KIF22: variants seen among roughly 807,000 people sequenced by gnomAD.
KIF22 encodes the protein kinesin-like protein KIF22.
In KIF22, 62 loss-of-function variants were observed where a neutral mutation model predicts 73.0. The ratio of observed to expected loss-of-function variants is 0.85; its 90% CI spans 0.69 to 1.05. KIF22 has a LOEUF of 1.05. Ranked by LOEUF, KIF22 falls within the 50% of genes least tolerant of loss-of-function variation. KIF22 has a pLI of 0.00. For missense variants in KIF22, 854 were observed against 870.1 expected, an observed-to-expected ratio of 0.98 and a Z score of 0.23; for synonymous variants, 411 against 340.1, an observed-to-expected ratio of 1.21 and a Z score of -2.29.
At position 29,802,766 on chromosome 16, in the gene KIF22, C is replaced by G; in HGVS notation, c.1281-3C>G. ...GTGGGGAGCAACTTCTTTTTCTGCTCAGCCCCCTACAGAAGCTAAGCAGCA... is the reference window on the plus strand; with the variant it reads ...GTGGGGAGCAACTTCTTTTTCTGCTGAGCCCCCTACAGAAGCTAAGCAGCA... On this transcript the variant is annotated splice_region_variant and splice_polypyrimidine_tract_variant and intron_variant, in intron 8 of 13. Coordinates refer to ENST00000160827, the MANE Select transcript of KIF22 (RefSeq NM_007317.3). 1 of 1,554,626 alleles carries G rather than the reference C, an allele frequency of 6.4e-7. No homozygotes were observed. The highest frequency in any genetic ancestry group is 2.4e-5 in the East Asian group (1 of 42,460).
rs971676385 is a variant in KIF22 at position 29,797,382 on chromosome 16, G to A, written c.266+294G>A. 5.9e-5 allele frequency among the ~76,000 whole-genome samples: 9 copies of A among 152,122 alleles called. No homozygotes were observed. The highest frequency in any genetic ancestry group is 8.8e-5 in the Non-Finnish European group (6 of 68,018). ...AGAGGCTGGGGGACATATCAGGAGG[G>A]TTGGCGGAACACAGACCTGCCAGCC... On this transcript the variant is annotated intron_variant, in intron 2 of 13. Transcript: ENST00000160827. This position sits in a 1 kb window ranked among gnomAD's most constrained non-coding sequence, Gnocchi z 4.1.
chr16:29,796,778 G>A (rs548624952), intron 1 of KIF22, 115 bp from the exon 2 acceptor site: 2 of 935,210 alleles, frequency 2.1e-6, no homozygotes, highest in South Asian at 1.5e-5. Flanking sequence ...CATGACCAGG[G>A]CAGAATGAGC....
At chr16:29,802,690 G>A in intron 8 of KIF22, 79 bp from the exon 9 acceptor site, 1 of 1,323,922 alleles carries the variant, frequency 7.6e-7, no homozygotes, top group Non-Finnish European at 1.0e-6. Flanking sequence ...CCAAGTTAAG[G>A]TGTGGTGAGG....
chr16:29,805,126 G>A lies in KIF22; in HGVS notation c.1902G>A (p.Leu634=), dbSNP rs973646132. 1.9e-6 allele frequency: 3 copies of A among 1,613,596 alleles called. No individual in the cohort carries two copies. The highest frequency in any genetic ancestry group is 2.7e-5 in the African/African-American group (2 of 74,788). The change falls in exon 13 of 14, where the codon CTG becomes CTA. Residue 634 remains leucine (L), a synonymous_variant. Coordinates refer to ENST00000160827, the MANE Select transcript of KIF22 (RefSeq NM_007317.3). The part of the protein sequence containing the change: ...LHGPFSQVED[L]ERVEGITGKQ... ...TCCTGTCCCGCCAGGTGGAGGACCT[G>A]GAACGCGTGGAGGGCATAACGGGGA... is the stretch of plus-strand genomic sequence containing the variant.
intron 1 of KIF22, among the ~76,000 whole-genome samples, chr16:29,796,134 G>T (rs1898942469): frequency 6.6e-6 from 1 of 151,896 alleles, no homozygotes; most frequent in South Asian, 2.1e-4. Context: ...AGCCAGGAGT[G>T]GTGTTGGGGA....
rs139765037 is a variant in KIF22, at chr16:29,797,931, A to G, written c.267-443A>G. The stretch of plus-strand genomic sequence containing the variant: ...TTTCCCCATTATGGTGTAAAATACA[A>G]TGTTCTACACATGTAGCCATTTGAA... On this transcript the variant is annotated intron_variant, in intron 2 of 13. Coordinates refer to ENST00000160827, the MANE Select transcript of KIF22 (RefSeq NM_007317.3). This position sits in a 1 kb window ranked among gnomAD's most constrained non-coding sequence, Gnocchi z 4.1. Among the ~76,000 whole-genome samples the G allele has an allele frequency of 4.2e-3, 638 of 152,276 alleles. 5 individuals are homozygous for G. Among genetic ancestry groups the G allele is most frequent in the African/African-American group, 0.014 (596 of 41,546 alleles).
Position 29,803,479 on chromosome 16 carries a change from G to A in KIF22, c.1480G>A (p.Ala494Thr), listed in dbSNP as rs751382300. Residue 494 changes from alanine to threonine, a missense_variant, in exon 10 of 14, where the codon GCC becomes ACC. Physicochemically the swap from Ala to Thr is moderately conservative, Grantham distance 58. Around this residue, in one of 3 missense-constraint regions of KIF22, gnomAD observed 423 missense variants for 365.4 expected, o/e 1.16. Transcript: ENST00000160827. ...RLKTKQKELE[A>T]KMLAQKAEEK... ...TAAGACGAAGCAAAAAGAACTGGAG[G>A]CCAAGATGTTGGCCCAGAAGGCTGA... 1.9e-6 allele frequency: 3 copies of A among 1,614,168 alleles called. No individual in the cohort carries two copies. The highest frequency in any genetic ancestry group is 4.5e-5 in the East Asian group (2 of 44,876).
chr16:29,791,653 C>T (rs1331511808), intron 1 of KIF22, among the ~76,000 whole-genome samples: 2 of 152,130 alleles, frequency 1.3e-5, no homozygotes, highest in Non-Finnish European at 2.9e-5. Flanking sequence ...TGGTGGTGAA[C>T]CATTTATTGT....
In KIF22 at chr16:29,804,039, C is replaced by T; in HGVS notation, c.1651C>T (p.Leu551=). Residue 551 remains leucine, a synonymous_variant, in exon 11 of 14, where the codon CTG becomes TTG. Coordinates refer to ENST00000160827, the MANE Select transcript of KIF22 (RefSeq NM_007317.3). Reference sequence around the variant, plus strand: ...ATCCCCAAATGCCGAGATCCACATCCTGAAGAATAAAGGCCGGAAGAGAAA... The same window carrying T: ...ATCCCCAAATGCCGAGATCCACATCTTGAAGAATAAAGGCCGGAAGAGAAA... ...AASPNAEIHI[L]KNKGRKRKLE... is the part of the protein sequence containing the mutation. 6.2e-7 allele frequency: 1 copy of T among 1,613,952 alleles called. No homozygotes were observed. Among genetic ancestry groups the T allele is most frequent in the Non-Finnish European group, 8.5e-7 (1 of 1,179,892 alleles).
chr16:29,800,904 C>T (rs1263801931), intron 8 of KIF22, among the ~76,000 whole-genome samples: 5 of 152,190 alleles, frequency 3.3e-5, no homozygotes, highest in Non-Finnish European at 7.4e-5. Context: ...TTCCATTTTC[C>T]AACCCCTTTA....
At position 29,797,103 on chromosome 16, in the gene KIF22, A is replaced by C; in HGVS notation, c.266+15A>C. 6.5e-7 allele frequency: 1 copy of C among 1,539,068 alleles called. No homozygotes were observed. The highest frequency in any genetic ancestry group is 8.8e-7 in the Non-Finnish European group (1 of 1,137,778). On this transcript the variant is annotated intron_variant, in intron 2 of 13. Transcript: ENST00000160827. The surrounding 1 kb of genome is among the most constrained non-coding windows in gnomAD (Gnocchi z 4.1). ...CTCAAATACCAGTAAGGTTCAGGCCACTCCTCTTCCCTCATGCCATCACCT... is the reference window on the plus strand; with the variant it reads ...CTCAAATACCAGTAAGGTTCAGGCCCCTCCTCTTCCCTCATGCCATCACCT...
chr16:29,791,008 G>T (rs1567354994), intron 1 of KIF22, 179 bp downstream of exon 1: 168 of 1,452,086 alleles, frequency 1.2e-4, no homozygotes, highest in East Asian at 2.5e-5. Context: ...CCTGGCTCCT[G>T]CCTTCTCCCT....
intron 8 of KIF22, among the ~76,000 whole-genome samples, chr16:29,801,510 T>G (rs1261815609): frequency 6.6e-6 from 1 of 152,078 alleles, no homozygotes; most frequent in African/African-American, 2.4e-5. Context: ...TCCCAAACCA[T>G]CTGTCAGCAC....
At position 29,804,020 on chromosome 16, in the gene KIF22, A is replaced by G; in HGVS notation, c.1632A>G (p.Pro544=). 1.2e-6 allele frequency: 2 copies of G among 1,608,004 alleles called. No homozygotes were observed. Among genetic ancestry groups the G allele is most frequent in the Non-Finnish European group, 1.7e-6 (2 of 1,177,518 alleles). Residue 544 remains proline (P), a synonymous_variant, in exon 11 of 14, where the codon CCA becomes CCG. Coordinates refer to ENST00000160827, the MANE Select transcript of KIF22 (RefSeq NM_007317.3). The stretch of plus-strand genomic sequence containing the variant: ...CAGTTCAGGAGCAGGCAGCATCCCC[A>G]AATGCCGAGATCCACATCCTGAAGA... ...LQLIQEQAAS[P]NAEIHILKNK...
At chr16:29,805,048 G>A in intron 12 of KIF22, 22 bp downstream of exon 12, 1 of 1,611,684 alleles carries the variant, frequency 6.2e-7, no homozygotes, top group South Asian at 1.1e-5. Flanking sequence ...CTGGACTGGG[G>A]GAGGGCGGGG....
chr16:29,804,331 G>A (rs949623073), intron 11 of KIF22: 9 of 601,178 alleles, frequency 1.5e-5, no homozygotes, highest in Non-Finnish European at 2.1e-5. Context: ...AGCTTAAGAG[G>A]GAAAACTTAG....
chr16:29,791,120 T>G, intron 1 of KIF22: 2 of 1,347,912 alleles, frequency 1.5e-6, no homozygotes, highest in East Asian at 3.0e-5. Flanking sequence ...TTTCTTCGTC[T>G]GTGAAACGGG....
At chr16:29,794,653 C>T (rs939156600) in intron 1 of KIF22, among the ~76,000 whole-genome samples, 2 of 152,126 alleles carry the variant, frequency 1.3e-5, no homozygotes, top group Admixed American at 6.5e-5. Flanking sequence ...GCAATCTCTG[C>T]TCACTGCAAC....
intron 1 of KIF22, 87 bp downstream of exon 1, chr16:29,790,916 G>A: frequency 1.3e-6 from 2 of 1,532,988 alleles, no homozygotes; most frequent in Non-Finnish European, 1.8e-6. Flanking sequence ...AGGCTCTGCG[G>A]GTTGTCGCGG....
Sources: allele counts gnomAD v4.1 joint callset (sites outside exome capture counted in the v4.1 genomes callset), GRCh38; gene constraint gnomAD v4.1.1; regional missense constraint gnomAD v4.1.1; non-coding constraint Gnocchi (gnomAD v3.1); transcripts MANE v1.5; gene names NCBI Gene and HGNC (gene_info 2026-07-23, HGNC 2026-07-21).